CXCL12: variants seen among roughly 807,000 people sequenced by gnomAD.
CXCL12 encodes C-X-C motif chemokine ligand 12, also known as stromal cell-derived factor 1.
A neutral mutation model predicts 10.7 loss-of-function variants in CXCL12; 4 were observed. The observed-to-expected ratio is 0.37, with a 90% CI of 0.18 to 0.86. The LOEUF is 0.86. Among genes scored for constraint, CXCL12 ranks in the 40% least tolerant of loss-of-function variants. The pLI is 0.43. For synonymous variants in CXCL12, 54 were observed against 45.4 expected, an observed-to-expected ratio of 1.19 and a Z score of -0.77; for missense variants, 122 against 110.4, an observed-to-expected ratio of 1.10 and a Z score of -0.47.
chr10:44,375,756 G>A (rs1390109700), downstream of CXCL12: 4 of 1,209,348 alleles, frequency 3.3e-6, no homozygotes, highest in Non-Finnish European at 4.5e-6. Flanking sequence ...AGACCAACAA[G>A]GGCCTTAAAA....
downstream of CXCL12, chr10:44,373,291 G>T (rs777750830): frequency 8.8e-6 from 14 of 1,599,700 alleles, no homozygotes; most frequent in Non-Finnish European, 1.2e-5. Flanking sequence ...TCAGAGCTGG[G>T]CTCCTACTGT....
downstream of CXCL12, among the ~76,000 whole-genome samples, chr10:44,376,692 A>T (rs1839461355): frequency 6.6e-6 from 1 of 152,140 alleles, no homozygotes; most frequent in African/African-American, 2.4e-5. Flanking sequence ...TTAATGATTT[A>T]TGGGGTGAGG....
At chr10:44,373,650 C>T (rs890078721), downstream of CXCL12, among the ~76,000 whole-genome samples, 1 of 152,220 alleles carries the variant, frequency 6.6e-6, no homozygotes, top group African/African-American at 2.4e-5. Context: ...ACGACGGGGA[C>T]AGGGCACACT....
chr10:44,372,634 CA>C (rs2132035803), downstream of CXCL12: 3 of 1,341,852 alleles, frequency 2.2e-6, no homozygotes, highest in African/African-American at 4.4e-5. Context: ...AGTCCTTTTG[CA>C]GGGCCATGGA....
In CXCL12 at chr10:44,377,735, A is replaced by G; in HGVS notation, c.*898T>C. 1 of 1,598,346 alleles carries G rather than the reference A, an allele frequency of 6.3e-7. No homozygotes were observed. Among genetic ancestry groups the G allele is most frequent in the Non-Finnish European group, 8.5e-7 (1 of 1,179,776 alleles). ...CTGTAAAGACTTGTCTTTTGCGGGT[A>G]AGCAGGGGGACCATTACACATCCCC... On this transcript the variant is annotated 3_prime_UTR_variant, in exon 3 of 3. Transcript: ENST00000343575.
chr10:44,371,368 T>C, downstream of CXCL12: 1 of 482,070 alleles, frequency 2.1e-6, no homozygotes, highest in East Asian at 5.8e-5. Context: ...ATCCAAGTTC[T>C]ACGTGACAGA....
chr10:44,372,822 G>A, downstream of CXCL12: 1 of 1,487,870 alleles, frequency 6.7e-7, no homozygotes, highest in Non-Finnish European at 8.9e-7. Flanking sequence ...CTCCCATGTG[G>A]ATGGAGAAGG....
At chr10:44,380,474 T>C (rs1291767985) in intron 2 of CXCL12, 2 of 347,322 alleles carry the variant, frequency 5.8e-6, no homozygotes, top group African/African-American at 2.0e-5. Flanking sequence ...GTGAAGCCCA[T>C]AGTTTCTCCA....
At chr10:44,382,856 T>C (rs1438786818) in intron 1 of CXCL12, among the ~76,000 whole-genome samples, 12 of 152,250 alleles carry the variant, frequency 7.9e-5, no homozygotes, top group Non-Finnish European at 8.8e-5. Flanking sequence ...GTACCTCATG[T>C]GCTCCTTCCT....
At chr10:44,370,987 T>G, downstream of CXCL12, 2 of 165,126 alleles carry the variant, frequency 1.2e-5, no homozygotes, top group Non-Finnish European at 2.6e-5. Flanking sequence ...CCCAAGGGAG[T>G]GTCAGGTAGA....
In CXCL12 at chr10:44,381,763, G is replaced by A. The variant is rs536942210; in HGVS notation, c.62-883C>T. ...TGCTTTTTGTTTTTCTTTTTTCCTT[G>A]AAGATTTTATCCAAGCCCCACTTAA... On this transcript the variant is annotated intron_variant, in intron 1 of 2. Coordinates refer to ENST00000343575, the MANE Select transcript of CXCL12 (RefSeq NM_199168.4). Among the ~76,000 whole-genome samples, 228 of 152,250 alleles carry A rather than the reference G, an allele frequency of 1.5e-3. 1 individual carries two copies. The highest frequency in any genetic ancestry group is 5.2e-3 in the African/African-American group (215 of 41,538).
chr10:44,378,025 C>G lies in CXCL12; in HGVS notation c.*608G>C. 1.3e-5 allele frequency: 19 copies of G among 1,490,094 alleles called. No individual in the cohort carries two copies. The highest frequency in any genetic ancestry group is 1.7e-5 in the Non-Finnish European group (19 of 1,131,790). 92.3% of individuals were successfully genotyped at this position (1,490,094 alleles called of 1,614,324 possible). A position where few individuals can be genotyped will look rare whatever the true frequency, so the allele number is the denominator to read the frequency against. ...CAGTAATAGTGGCTTCTACATGGAGCCCACAGAGCCAATCACTGAGGTTGA... is the reference window on the plus strand; with the variant it reads ...CAGTAATAGTGGCTTCTACATGGAGGCCACAGAGCCAATCACTGAGGTTGA... On this transcript the variant is annotated 3_prime_UTR_variant, in exon 3 of 3. Coordinates refer to ENST00000343575, the MANE Select transcript of CXCL12 (RefSeq NM_199168.4).
intron 1 of CXCL12, 80 bp downstream of exon 1, chr10:44,384,865 G>A (rs933937813): frequency 2.2e-5 from 31 of 1,408,392 alleles, no homozygotes; most frequent in African/African-American, 3.0e-5. Context: ...TGCGGGCGCA[G>A]GCAGAGGAGC....
At position 44,378,287 on chromosome 10, in the gene CXCL12, A is replaced by G. The variant is rs368842670; in HGVS notation, c.*346T>C. 4.1e-6 allele frequency: 6 copies of G among 1,470,210 alleles called. No individual in the cohort carries two copies. The highest frequency in any genetic ancestry group is 1.4e-5 in the African/African-American group (1 of 72,160). 91.1% of individuals were successfully genotyped at this position (1,470,210 alleles called of 1,614,324 possible). ...AGTACTCGTTGATTTAAAAAATGAG[A>G]ATGAGAATGATGATGATTGTGATGA... is the stretch of plus-strand genomic sequence containing the variant. On this transcript the variant is annotated 3_prime_UTR_variant, in exon 3 of 3. Coordinates refer to ENST00000343575, the MANE Select transcript of CXCL12 (RefSeq NM_199168.4).
chr10:44,377,321 T>C lies in CXCL12; in HGVS notation c.*1312A>G, dbSNP rs955085330. On this transcript the variant is annotated 3_prime_UTR_variant, in exon 3 of 3. Coordinates refer to ENST00000343575, the MANE Select transcript of CXCL12 (RefSeq NM_199168.4). ...GAGAAGTATAAACTACTGACATTCA[T>C]ATGGCTCCACTTCAAATATATGAAT... is the stretch of plus-strand genomic sequence containing the variant. 1 of 1,033,450 alleles carries C rather than the reference T, an allele frequency of 9.7e-7. No individual in the cohort carries two copies. The highest frequency in any genetic ancestry group is 1.2e-6 in the Non-Finnish European group (1 of 859,006). 64.0% of individuals were successfully genotyped at this position (1,033,450 alleles called of 1,614,324 possible).
downstream of CXCL12, chr10:44,376,117 T>C (rs563334736): frequency 1.4e-6 from 2 of 1,459,006 alleles, no homozygotes; most frequent in Non-Finnish European, 1.9e-6. Flanking sequence ...CACTGGCCCG[T>C]GTACTGGTTA....
At chr10:44,381,466 G>C (rs928836373) in intron 1 of CXCL12, among the ~76,000 whole-genome samples, 6 of 152,102 alleles carry the variant, frequency 3.9e-5, no homozygotes, top group Non-Finnish European at 7.4e-5. Flanking sequence ...TCCTACCTGT[G>C]AGTCCCCTGA....
Position 44,385,019 on chromosome 10 carries a change from G to T in CXCL12, c.-14C>A. 4 of 1,451,804 alleles carry T rather than the reference G, an allele frequency of 2.8e-6. No individual in the cohort carries two copies. The highest frequency in any genetic ancestry group is 2.9e-5 in the East Asian group (1 of 34,282). The allele number at this position is 1,451,804 out of a possible 1,614,324, so 89.9% of individuals were successfully genotyped here. A position where few individuals can be genotyped will look rare whatever the true frequency, so the allele number is the denominator to read the frequency against. On this transcript the variant is annotated 5_prime_UTR_variant, in exon 1 of 3. Transcript: ENST00000343575. ...CTTGGCGTTCATGGCGCGGGCGGGC[G>T]GGCGGGCGGGCGGACGAGCGCGGGT...
At chr10:44,375,277 G>A (rs1038929190), downstream of CXCL12, among the ~76,000 whole-genome samples, 3 of 152,242 alleles carry the variant, frequency 2.0e-5, no homozygotes, top group South Asian at 2.1e-4. Context: ...ACAGTTTGCA[G>A]AAACCCACCC....
Sources: allele counts gnomAD v4.1 joint callset (sites outside exome capture counted in the v4.1 genomes callset), GRCh38; gene constraint gnomAD v4.1.1; transcripts MANE v1.5; gene names NCBI Gene and HGNC (gene_info 2026-07-23, HGNC 2026-07-21).